DUOX2: variants seen among roughly 807,000 people sequenced by gnomAD.
DUOX2 encodes dual oxidase 2.
Under a neutral mutation model 183.3 loss-of-function variants are expected in DUOX2, and 185 were observed. That is an observed-to-expected ratio of 1.01 (90% CI 0.90 to 1.14). The LOEUF (loss-of-function observed/expected upper bound fraction) is 1.14, where lower values mean the gene tolerates loss of function less well. Ranked by LOEUF, DUOX2 falls within the 50% of genes most tolerant of loss-of-function variation. The pLI is 0.00. For synonymous variants in DUOX2, 788 were observed against 812.4 expected (o/e 0.97, Z 0.51); for missense variants, 1,999 against 2,022.9 (o/e 0.99, Z 0.23).
At chr15:45,109,372 C>A in intron 11 of DUOX2, 152 bp downstream of exon 11, 6 of 654,962 alleles carry the variant, frequency 9.2e-6, no homozygotes, top group South Asian at 1.8e-5. Context: ...AAAAAAAGTT[C>A]AAAGTTCATT....
Position 45,096,085 on chromosome 15 carries a change from C to T in DUOX2, c.3848-25G>A, listed in dbSNP as rs1044908465. The T allele has an allele frequency of 4.4e-6, 7 of 1,599,772 alleles. No individual in the cohort carries two copies. The African/African-American group carries it at 5.4e-5, about 12-fold the overall frequency. On this transcript the variant is annotated intron_variant, in intron 29 of 33. Coordinates refer to ENST00000389039, the MANE Select transcript of DUOX2 (RefSeq NM_001363711.2). Reference sequence around the variant, plus strand: ...CCTGGAGGTCATAGACAGGGAAAAGCACAGATGAGAAGGCCTGCTCCTGGT... The same window carrying T: ...CCTGGAGGTCATAGACAGGGAAAAGTACAGATGAGAAGGCCTGCTCCTGGT...
Position 45,101,848 on chromosome 15 carries a change from G to A in DUOX2, c.2796C>T (p.Asp932=), listed in dbSNP as rs141644475. 457 of 1,614,194 alleles carry A rather than the reference G, an allele frequency of 2.8e-4. No individual in the cohort carries two copies. Among genetic ancestry groups the A allele is most frequent in the African/African-American group, 1.5e-3 (114 of 75,046 alleles). Reference sequence around the variant, plus strand: ...AGAGCTGCGTGAAGCGGAGCTCGCTGTCATGGTCCCGCAGCATGAAGTGAA... The same window carrying A: ...AGAGCTGCGTGAAGCGGAGCTCGCTATCATGGTCCCGCAGCATGAAGTGAA... ...EDFHFMLRDH[D]SELRFTQLCV... is the part of the protein sequence containing the mutation. Residue 932 remains aspartate, a synonymous_variant, in exon 21 of 34, where the codon GAC becomes GAT. Transcript: ENST00000389039.
intron 11 of DUOX2, 155 bp downstream of exon 11, chr15:45,109,369 G>A: frequency 1.8e-5 from 11 of 627,836 alleles, no homozygotes; most frequent in South Asian, 7.6e-5. Flanking sequence ...AAAAAAAAAA[G>A]TTCAAAGTTC....
chr15:45,097,376 TG>T lies in DUOX2; in HGVS notation c.3708del (p.Ser1237AlafsTer4), dbSNP rs1893932363. The T allele has an allele frequency of 6.2e-7, 1 of 1,614,250 alleles. No individual in the cohort carries two copies. Among genetic ancestry groups the T allele is most frequent in the African/African-American group, 1.3e-5 (1 of 75,068 alleles). On this transcript the variant is annotated frameshift_variant, in exon 29 of 34. Coordinates refer to ENST00000389039, the MANE Select transcript of DUOX2 (RefSeq NM_001363711.2). LOFTEE classifies it high-confidence loss of function. ...GTGGGCAGCTGGATCAGAGCATAGC[TG>T]CCATGGATGATGAGCTGGAGACACG... The part of the protein sequence containing the change: ...ILLYALLIIH[G>X]SYALIQLPTF...
chr15:45,097,212 G>C, intron 29 of DUOX2, 26 bp downstream of exon 29: 1 of 1,613,770 alleles, frequency 6.2e-7, no homozygotes, highest in Non-Finnish European at 8.5e-7. Context: ...TGTCGCTCCC[G>C]ACCCAGGTCA....
chr15:45,099,533 C>T, intron 25 of DUOX2, 51 bp from the exon 26 acceptor site: 1 of 1,595,256 alleles, frequency 6.3e-7, no homozygotes, highest in South Asian at 1.1e-5. Flanking sequence ...GACTCTACCT[C>T]CGATCCTGAG....
In DUOX2 at chr15:45,104,069, G is replaced by T. The variant is rs546684627; in HGVS notation, c.2561-16C>A. On this transcript the variant is annotated splice_polypyrimidine_tract_variant and intron_variant, in intron 19 of 33. Transcript: ENST00000389039. ...TCTGGGGAGCCTGGGAAGAAAAAAG[G>T]GAATGCAGGTCATCTCCTTGCTGAA... 6.2e-7 allele frequency: 1 copy of T among 1,614,096 alleles called. No homozygotes were observed. Among genetic ancestry groups the T allele is most frequent in the Non-Finnish European group, 8.5e-7 (1 of 1,179,996 alleles).
chr15:45,108,425 G>C, intron 12 of DUOX2: 3 of 636,902 alleles, frequency 4.7e-6, no homozygotes, highest in Non-Finnish European at 8.2e-6. Context: ...ACCACGGTCA[G>C]GTGCCCTAGG....
chr15:45,108,135 G>A lies in DUOX2; in HGVS notation c.1486C>T (p.Pro496Ser), dbSNP rs1360030571. 9 of 1,614,134 alleles carry A rather than the reference G, an allele frequency of 5.6e-6. No individual in the cohort carries two copies. The highest frequency in any genetic ancestry group is 1.6e-4 in the Middle Eastern group (1 of 6,062). The change falls in exon 13 of 34, where the codon CCT becomes TCT. Residue 496 changes from proline (P) to serine (S), a missense_variant. Around this residue, in one of 3 missense-constraint regions of DUOX2, gnomAD observed 1,628 missense variants for 1,608.6 expected, o/e 1.01. Transcript: ENST00000389039. ...ACAATGGCACTGAACAGGGGTCCAG[G>A]GTCCCCATGGCTCTCCAGGAGCCCC... is the stretch of plus-strand genomic sequence containing the variant. ...LGGLLESHGD[P>S]GPLFSAIVLD... is the part of the protein sequence containing the mutation.
chr15:45,112,903 C>G, intron 3 of DUOX2, 84 bp downstream of exon 3: 5 of 1,563,822 alleles, frequency 3.2e-6, no homozygotes, highest in Non-Finnish European at 4.4e-6. Flanking sequence ...GCGCGTGTTC[C>G]CCGCAGATTC....
chr15:45,094,501 A>G, intron 33 of DUOX2, 62 bp downstream of exon 33: 2 of 1,567,772 alleles, frequency 1.3e-6, no homozygotes, highest in South Asian at 1.2e-5. Context: ...AGGGTGCTTC[A>G]GGGCCAGGAT....
intron 20 of DUOX2, 95 bp from the exon 21 acceptor site, chr15:45,102,084 T>C: frequency 1.4e-6 from 2 of 1,471,754 alleles, no homozygotes; most frequent in East Asian, 2.4e-5. Flanking sequence ...TCTAATGTGG[T>C]TACCAGTGAC....
chr15:45,099,638 G>A lies in DUOX2; in HGVS notation c.3415+24C>T, dbSNP rs1894009938. The stretch of plus-strand genomic sequence containing the variant: ...TAGACCCAGGGTGCTGCAGCAAAGA[G>A]GAAGAAGCCTGGGAGTCACGTACTG... On this transcript the variant is annotated intron_variant, in intron 25 of 33. Coordinates refer to ENST00000389039, the MANE Select transcript of DUOX2 (RefSeq NM_001363711.2). The A allele has an allele frequency of 1.9e-6, 3 of 1,613,554 alleles. No homozygotes were observed. In the East Asian group the frequency reaches 6.7e-5, roughly 36 times the overall value.
At chr15:45,108,280 G>A in intron 12 of DUOX2, 58 bp from the exon 13 acceptor site, 3 of 1,597,298 alleles carry the variant, frequency 1.9e-6, no homozygotes, top group Admixed American at 3.3e-5. Flanking sequence ...GGCAGCCACT[G>A]TTGCCCCATC....
chr15:45,099,643 AAG>A lies in DUOX2; in HGVS notation c.3415+17_3415+18del. 1 of 1,613,820 alleles carries A rather than the reference AAG, an allele frequency of 6.2e-7. No homozygotes were observed. The highest frequency in any genetic ancestry group is 8.5e-7 in the Non-Finnish European group (1 of 1,179,710). Reference sequence around the variant, plus strand: ...CCAGGGTGCTGCAGCAAAGAGGAAGAAGCCTGGGAGTCACGTACTGGCCAGGA... The same window carrying A: ...CCAGGGTGCTGCAGCAAAGAGGAAGACCTGGGAGTCACGTACTGGCCAGGA... On this transcript the variant is annotated intron_variant, in intron 25 of 33. Transcript: ENST00000389039.
In DUOX2 at chr15:45,094,698, G is replaced by T. The variant is rs759931529; in HGVS notation, c.4396-7C>A. Reference sequence around the variant, plus strand: ...AGTGCCGCTCGCAGATGTACTGGGGGCACAGGGGCAGGTCAGACCAAAGAC... The same window carrying T: ...AGTGCCGCTCGCAGATGTACTGGGGTCACAGGGGCAGGTCAGACCAAAGAC... On this transcript the variant is annotated splice_polypyrimidine_tract_variant and splice_region_variant and intron_variant, in intron 32 of 33. Transcript: ENST00000389039. The T allele has an allele frequency of 6.2e-7, 1 of 1,613,898 alleles. No homozygotes were observed. Among genetic ancestry groups the T allele is most frequent in the Non-Finnish European group, 8.5e-7 (1 of 1,179,930 alleles).
chr15:45,110,814 G>A, intron 7 of DUOX2, 104 bp from the exon 8 acceptor site: 1 of 1,558,908 alleles, frequency 6.4e-7, no homozygotes, highest in Non-Finnish European at 8.7e-7. Flanking sequence ...GACCAGGAAG[G>A]GTCAATCATG....
Position 45,101,886 on chromosome 15 carries a change from T to C in DUOX2, c.2758A>G (p.Thr920Ala). The C allele has an allele frequency of 6.2e-7, 1 of 1,614,204 alleles. No homozygotes were observed. Among genetic ancestry groups the C allele is most frequent in the Non-Finnish European group, 8.5e-7 (1 of 1,180,036 alleles). Residue 920 changes from threonine (T) to alanine (A), a missense_variant, in exon 21 of 34, where the codon ACA becomes GCA. Coordinates refer to ENST00000389039, the MANE Select transcript of DUOX2 (RefSeq NM_001363711.2). ...AGCATGAAGTGAAAATCCTCCCATG[T>C]CAGCTCCTCCTTGTCCTGGAATCCC... Reference protein sequence around the residue: ...ESGFQDKEELTWEDFHFMLRD... With the variant: ...ESGFQDKEELAWEDFHFMLRD...
chr15:45,109,716 C>T (rs1566977309), intron 10 of DUOX2, 90 bp from the exon 11 acceptor site: 1 of 1,424,086 alleles, frequency 7.0e-7, no homozygotes, highest in African/African-American at 1.4e-5. Flanking sequence ...GGACAAAGGG[C>T]CCTTGGCCAG....
Sources: gnomAD v4.1 joint callset for allele counts on GRCh38, gnomAD v4.1.1 for gene constraint, gnomAD v4.1.1 regional missense constraint, MANE v1.5 for transcripts, NCBI Gene and HGNC (gene_info 2026-07-23, HGNC 2026-07-21) for gene names.